PALS2: variants seen among roughly 807,000 people sequenced by gnomAD.
PALS2 encodes protein PALS2.
A neutral mutation model predicts 61.6 loss-of-function variants in PALS2; 27 were observed. That is an observed-to-expected ratio of 0.44 (90% CI 0.32 to 0.60). PALS2 has a LOEUF of 0.60. PALS2 is among the 20% of genes least tolerant of loss of function. The probability of loss-of-function intolerance (pLI) is 0.05; values close to 1 mark genes in which losing one functional copy is unlikely to be tolerated. For synonymous variants in PALS2, 236 were observed against 218.6 expected (o/e 1.08, Z -0.70); for missense variants, 554 against 639.4 (o/e 0.87, Z 1.44).
intron 1 of PALS2, among the ~76,000 whole-genome samples, chr7:24,615,423 G>A (rs573821451): frequency 6.6e-6 from 1 of 151,954 alleles, no homozygotes; most frequent in East Asian, 1.9e-4. Context: ...TGATATTACA[G>A]AAACACAAGG....
At chr7:24,623,932 C>A in intron 2 of PALS2, 148 bp downstream of exon 2, 1 of 967,040 alleles carries the variant, frequency 1.0e-6, no homozygotes, top group Non-Finnish European at 1.5e-6. Flanking sequence ...GAAATCTTAA[C>A]ATATGCAAAA....
intron 9 of PALS2, among the ~76,000 whole-genome samples, chr7:24,675,163 TAAGATTCCCTCAGCATGGAGGTAGAGGTA>T (rs1787497783): frequency 6.6e-6 from 1 of 152,104 alleles, no homozygotes; most frequent in Admixed American, 6.6e-5. Context: ...CTCTAAGAAT[TAAGATTCCCTCAGCATGGAGGTAGAGGTA>T]ATACATGTGC....
At chr7:24,628,688 T>C (rs1024322039) in intron 2 of PALS2, among the ~76,000 whole-genome samples, 2 of 152,162 alleles carry the variant, frequency 1.3e-5, no homozygotes, top group African/African-American at 2.4e-5. Flanking sequence ...CAAGCATTCC[T>C]ATACAGCAAT....
At chr7:24,640,726 C>G (rs569080718) in intron 2 of PALS2, among the ~76,000 whole-genome samples, 2 of 151,652 alleles carry the variant, frequency 1.3e-5, no homozygotes, top group East Asian at 3.9e-4. Context: ...GAATTACTTT[C>G]GGCCGAGGGC....
chr7:24,639,667 TA>T (rs1161873254), intron 2 of PALS2, among the ~76,000 whole-genome samples: 2 of 151,386 alleles, frequency 1.3e-5, no homozygotes, highest in Non-Finnish European at 2.9e-5. Context: ...TTCTGTAGAT[TA>T]TTTTCTTTTT....
intron 1 of PALS2, among the ~76,000 whole-genome samples, chr7:24,609,579 G>A (rs7786905): frequency 0.063 from 9,558 of 152,040 alleles, 348 homozygotes; most frequent in African/African-American, 0.092. Context: ...TTCTCCCTAA[G>A]TGCCAGTGGT....
chr7:24,669,750 C>A (rs1787205666), intron 9 of PALS2, among the ~76,000 whole-genome samples: 1 of 152,052 alleles, frequency 6.6e-6, no homozygotes, highest in African/African-American at 2.4e-5. Flanking sequence ...TTGTCATTGC[C>A]CCCCTGTGCT....
At chr7:24,651,595 A>G (rs1468862615) in intron 5 of PALS2, among the ~76,000 whole-genome samples, 2 of 152,190 alleles carry the variant, frequency 1.3e-5, no homozygotes, top group African/African-American at 4.8e-5. Flanking sequence ...GGTGAAATGG[A>G]ACCGTAAAGA....
Position 24,674,947 on chromosome 7 carries a change from A to G in PALS2, c.1115-4184A>G, listed in dbSNP as rs376114700. Among the ~76,000 whole-genome samples, 15 of 152,328 alleles carry G rather than the reference A, an allele frequency of 9.8e-5. 1 individual carries two copies. The highest frequency in any genetic ancestry group is 7.2e-4 in the Admixed American group (11 of 15,298). On this transcript the variant is annotated intron_variant, in intron 9 of 11. Coordinates refer to ENST00000222644, the MANE Select transcript of PALS2 (RefSeq NM_001303037.2). ...GCTAAAATTGAGAATTTTGCCTATC[A>G]TAAAAAATTACTTCTAAAAAATCAC... is the stretch of plus-strand genomic sequence containing the variant.
chr7:24,582,491 A>G (rs1782882609), intron 1 of PALS2, among the ~76,000 whole-genome samples: 1 of 152,134 alleles, frequency 6.6e-6, no homozygotes, highest in African/African-American at 2.4e-5. Flanking sequence ...TAAATACTTT[A>G]TTGGTATTAC....
chr7:24,603,595 G>C (rs1312030905), intron 1 of PALS2, among the ~76,000 whole-genome samples: 1 of 152,184 alleles, frequency 6.6e-6, no homozygotes, highest in Non-Finnish European at 1.5e-5. Context: ...AACTCACTGA[G>C]AGTGAAGTCT....
chr7:24,600,847 T>G (rs1783694744), intron 1 of PALS2, among the ~76,000 whole-genome samples: 1 of 152,180 alleles, frequency 6.6e-6, no homozygotes, highest in Non-Finnish European at 1.5e-5. Flanking sequence ...ATCTTGCCTG[T>G]TTTTAACTCT....
chr7:24,616,398 A>G (rs1164013540), intron 1 of PALS2, among the ~76,000 whole-genome samples: 5 of 152,204 alleles, frequency 3.3e-5, no homozygotes, highest in Non-Finnish European at 7.4e-5. Context: ...TCTATATACA[A>G]ACAACACACA....
chr7:24,625,763 G>A lies in PALS2; in HGVS notation c.117+1979G>A, dbSNP rs74603974. Among the ~76,000 whole-genome samples, 975 of 152,176 alleles carry A rather than the reference G, an allele frequency of 6.4e-3. 39 individuals are homozygous for A. In the East Asian group the frequency reaches 0.097, roughly 15 times the overall value. ...TAAGGTGCTACTGTACTCTTTTGAT[G>A]ATAAAAATGAAATAAAGCAAAGAGT... On this transcript the variant is annotated intron_variant, in intron 2 of 11. Transcript: ENST00000222644.
intron 6 of PALS2, 65 bp from the exon 7 acceptor site, chr7:24,665,523 T>A: frequency 6.9e-7 from 1 of 1,443,994 alleles, no homozygotes; most frequent in Non-Finnish European, 9.7e-7. Flanking sequence ...CTGCTTGTCT[T>A]ACTTAATAGA....
chr7:24,621,321 C>G (rs557844803), intron 1 of PALS2, among the ~76,000 whole-genome samples: 38 of 151,984 alleles, frequency 2.5e-4, no homozygotes, highest in African/African-American at 8.4e-4. Flanking sequence ...TGAGGGAGAT[C>G]AGGGATAGAA....
intron 9 of PALS2, among the ~76,000 whole-genome samples, chr7:24,673,890 A>G (rs1049781853): frequency 6.6e-6 from 1 of 152,062 alleles, no homozygotes; most frequent in East Asian, 1.9e-4. Context: ...CTTTTTTAAC[A>G]TAGGCATTCA....
chr7:24,631,423 G>A (rs1474078051), intron 2 of PALS2, among the ~76,000 whole-genome samples: 1 of 152,200 alleles, frequency 6.6e-6, no homozygotes, highest in Non-Finnish European at 1.5e-5. Flanking sequence ...ATAAGGAGTT[G>A]CTTCTTGTGG....
At position 24,641,701 on chromosome 7, in the gene PALS2, C is replaced by G. The variant is rs111663095; in HGVS notation, c.118-15C>G. 5.1e-4 allele frequency: 808 copies of G among 1,576,230 alleles called. 7 individuals carry two copies. In the African/African-American group the frequency reaches 0.01, roughly 20 times the overall value. Reference sequence around the variant, plus strand: ...AAATAAGTATTACTACTTTAATATACTCTTATTTTTTCAGGCTCATGAGAG... The same window carrying G: ...AAATAAGTATTACTACTTTAATATAGTCTTATTTTTTCAGGCTCATGAGAG... On this transcript the variant is annotated splice_polypyrimidine_tract_variant and intron_variant, in intron 2 of 11. Transcript: ENST00000222644.
Sources: allele counts gnomAD v4.1 joint callset (sites outside exome capture counted in the v4.1 genomes callset), GRCh38; gene constraint gnomAD v4.1.1; transcripts MANE v1.5; gene names NCBI Gene and HGNC (gene_info 2026-07-23, HGNC 2026-07-21).